The following SYT4 variants were observed in gnomAD, a reference collection of about 807,000 sequenced individuals.
SYT4 encodes synaptotagmin-4.
A neutral mutation model predicts 32.9 loss-of-function variants in SYT4; 7 were observed. The ratio of observed to expected loss-of-function variants is 0.21; its 90% CI spans 0.12 to 0.40. The LOEUF is 0.40. SYT4 is among the 10% of genes least tolerant of loss of function. SYT4 has a pLI of 1.00. For missense variants in SYT4, 480 were observed against 488.0 expected (o/e 0.98, Z 0.16); for synonymous variants, 205 against 186.2 (o/e 1.10, Z -0.82).
At chr18:43,274,719 G>T (rs1016113826) in intron 1 of SYT4, among the ~76,000 whole-genome samples, 7 of 152,114 alleles carry the variant, frequency 4.6e-5, no homozygotes, top group African/African-American at 7.2e-5. Flanking sequence ...GATAACATGA[G>T]ACAGCTACAA....
rs1405623260 is a variant in SYT4 at position 43,269,211 on chromosome 18, T to G, written c.*1130A>C. ...TAGTGAAACACATTCTTTGTTGTGC[T>G]AATTTGACAGCCTAAGCATATTTTG... On this transcript the variant is annotated 3_prime_UTR_variant, in exon 4 of 4. Coordinates refer to ENST00000255224, the MANE Select transcript of SYT4 (RefSeq NM_020783.4). The G allele has an allele frequency of 1.3e-5, 2 of 152,224 alleles. No homozygotes were observed. Among genetic ancestry groups the G allele is most frequent in the Non-Finnish European group, 1.5e-5 (1 of 68,036 alleles). 9.4% of individuals were successfully genotyped at this position (152,224 alleles called of 1,614,324 possible).
At position 43,273,817 on chromosome 18, in the gene SYT4, A is replaced by C; in HGVS notation, c.612T>G (p.His204Gln). The C allele has an allele frequency of 6.2e-7, 1 of 1,614,046 alleles. No individual in the cohort carries two copies. The highest frequency in any genetic ancestry group is 8.5e-7 in the Non-Finnish European group (1 of 1,179,932). ...TTCTCAGCACTCTAGTTTTCACTTT[A>C]TGCTTCTTCTCTGGGAGGATCGTCA... ...IKMTILPEKK[H>Q]KVKTRVLRKT... The change falls in exon 2 of 4, where the codon CAT (histidine) becomes CAG (glutamine). Residue 204 changes from histidine to glutamine, a missense_variant. Coordinates refer to ENST00000255224, the MANE Select transcript of SYT4 (RefSeq NM_020783.4).
In SYT4 at chr18:43,271,723, G is replaced by GA; in HGVS notation, c.958dup (p.Ser320PhefsTer37). 1 of 1,612,980 alleles carries GA rather than the reference G, an allele frequency of 6.2e-7. No individual in the cohort carries two copies. On this transcript the variant is annotated frameshift_variant, in exon 3 of 4. Coordinates refer to ENST00000255224, the MANE Select transcript of SYT4 (RefSeq NM_020783.4). LOFTEE classifies it high-confidence loss of function. Reference sequence around the variant, plus strand: ...AGAAGCATTCTTACCTGAAAGTCCGGACACATCAGATTTAGGCAGATGTCG... The same window carrying GA: ...AGAAGCATTCTTACCTGAAAGTCCGGAACACATCAGATTTAGGCAGATGTCG...
Position 43,270,197 on chromosome 18 carries a change from G to C in SYT4, c.*144C>G. On this transcript the variant is annotated 3_prime_UTR_variant, in exon 4 of 4. Coordinates refer to ENST00000255224, the MANE Select transcript of SYT4 (RefSeq NM_020783.4). ...AATACACATTTGAAGTTACTTTCTGGTCTACTAATTCAATCCATTTCTAGC... is the reference window on the plus strand; with the variant it reads ...AATACACATTTGAAGTTACTTTCTGCTCTACTAATTCAATCCATTTCTAGC... The C allele has an allele frequency of 1.2e-6, 1 of 807,382 alleles. No homozygotes were observed. Among genetic ancestry groups the C allele is most frequent in the South Asian group, 1.7e-5 (1 of 57,450 alleles). The allele number at this position is 807,382 out of a possible 1,614,324, so 50.0% of individuals were successfully genotyped here.
At position 43,268,042 on chromosome 18, in the gene SYT4, C is replaced by T. The variant is rs897671758; in HGVS notation, c.*2299G>A. 1.3e-5 allele frequency: 2 copies of T among 152,408 alleles called. No homozygotes were observed. The highest frequency in any genetic ancestry group is 4.8e-5 in the African/African-American group (2 of 41,466). 9.4% of individuals were successfully genotyped at this position (152,408 alleles called of 1,614,324 possible). On this transcript the variant is annotated 3_prime_UTR_variant, in exon 4 of 4. Coordinates refer to ENST00000255224, the MANE Select transcript of SYT4 (RefSeq NM_020783.4). ...TTACAACATCAGAACAAATCAATTA[C>T]TGAGTTACACAGTTCTTCAAACATG... is the stretch of plus-strand genomic sequence containing the variant.
Position 43,273,625 on chromosome 18 carries a change from T to C in SYT4, c.804A>G (p.Glu268=). ...TCTCTCTATTCATTAACATTTTTCC[T>C]TCAGATAATTCAATTCCCGAGAGAG... ...LIPLSGIELS[E]GKMLMNREII... The change falls in exon 2 of 4, where the codon GAA becomes GAG. Residue 268 remains glutamate (E), a synonymous_variant. Transcript: ENST00000255224. The C allele has an allele frequency of 6.2e-7, 1 of 1,613,506 alleles. No individual in the cohort carries two copies. Among genetic ancestry groups the C allele is most frequent in the Non-Finnish European group, 8.5e-7 (1 of 1,179,700 alleles).
In SYT4 at chr18:43,268,286, G is replaced by T. The variant is rs1598662479; in HGVS notation, c.*2055C>A. 2 of 152,474 alleles carry T rather than the reference G, an allele frequency of 1.3e-5. No individual in the cohort carries two copies. The highest frequency in any genetic ancestry group is 6.5e-5 in the Admixed American group (1 of 15,274). 9.4% of individuals were successfully genotyped at this position (152,474 alleles called of 1,614,324 possible). On this transcript the variant is annotated 3_prime_UTR_variant, in exon 4 of 4. Transcript: ENST00000255224. ...TTTCTTTTCTCTTTTCTGAAAACCA[G>T]TTGCAAATAGTTTTACTCAACTTTT... is the stretch of plus-strand genomic sequence containing the variant.
Position 43,275,712 on chromosome 18 carries a change from C to T in SYT4, c.35-1318G>A, listed in dbSNP as rs192281903. 5.4e-4 allele frequency among the ~76,000 whole-genome samples: 82 copies of T among 152,026 alleles called. 1 individual carries two copies. In the East Asian group the frequency reaches 0.013, roughly 25 times the overall value. On this transcript the variant is annotated intron_variant, in intron 1 of 3. Coordinates refer to ENST00000255224, the MANE Select transcript of SYT4 (RefSeq NM_020783.4). The stretch of plus-strand genomic sequence containing the variant: ...TAGAAGATAAAAAGGCCAATAAAAT[C>T]GCAATAAAAATCCTGTATTTTAATG...
chr18:43,269,150 T>C lies in SYT4; in HGVS notation c.*1191A>G, dbSNP rs991574874. The C allele has an allele frequency of 2.0e-5, 3 of 152,210 alleles. No individual in the cohort carries two copies. Among genetic ancestry groups the C allele is most frequent in the Non-Finnish European group, 4.4e-5 (3 of 68,036 alleles). The allele number at this position is 152,210 out of a possible 1,614,324, so 9.4% of individuals were successfully genotyped here. A position where few individuals can be genotyped will look rare whatever the true frequency, so the allele number is the denominator to read the frequency against. Reference sequence around the variant, plus strand: ...AGACACAAGTCTGTAAACTGCTCTATAGACAACAGCTCAAGACAAATTAGC... The same window carrying C: ...AGACACAAGTCTGTAAACTGCTCTACAGACAACAGCTCAAGACAAATTAGC... On this transcript the variant is annotated 3_prime_UTR_variant, in exon 4 of 4. Coordinates refer to ENST00000255224, the MANE Select transcript of SYT4 (RefSeq NM_020783.4).
intron 1 of SYT4, among the ~76,000 whole-genome samples, chr18:43,275,579 C>A (rs1366296851): frequency 6.6e-6 from 1 of 151,992 alleles, no homozygotes; most frequent in Admixed American, 6.6e-5. Context: ...ACAAGAAATC[C>A]AGTCTTTTGT....
In SYT4 at chr18:43,274,162, C is replaced by A. The variant is rs1908719838; in HGVS notation, c.267G>T (p.Lys89Asn). The change falls in exon 2 of 4, where the codon AAG (lysine) becomes AAT (asparagine). Residue 89 changes from lysine (K) to asparagine (N), a missense_variant. Transcript: ENST00000255224. ...TTTCAAGATCCAGATGCAATGAATTCTTTGGCACAGCTGGCTTATTCTTTA... is the reference window on the plus strand; with the variant it reads ...TTTCAAGATCCAGATGCAATGAATTATTTGGCACAGCTGGCTTATTCTTTA... ...NEVKNKPAVP[K>N]NSLHLDLEKR... 2 of 1,614,070 alleles carry A rather than the reference C, an allele frequency of 1.2e-6. No individual in the cohort carries two copies.
At position 43,268,351 on chromosome 18, in the gene SYT4, A is replaced by G. The variant is rs1437982186; in HGVS notation, c.*1990T>C. 6.6e-6 allele frequency: 1 copy of G among 152,160 alleles called. No individual in the cohort carries two copies. The highest frequency in any genetic ancestry group is 2.1e-4 in the South Asian group (1 of 4,830). 9.4% of individuals were successfully genotyped at this position (152,160 alleles called of 1,614,324 possible). ...CTTTAAATTTTAAAAGCTAAAAACT[A>G]TTTACAAATTATCCATTTTAATTTT... On this transcript the variant is annotated 3_prime_UTR_variant, in exon 4 of 4. Coordinates refer to ENST00000255224, the MANE Select transcript of SYT4 (RefSeq NM_020783.4).
At chr18:43,272,352 T>C (rs1044290566) in intron 2 of SYT4, among the ~76,000 whole-genome samples, 4 of 152,116 alleles carry the variant, frequency 2.6e-5, no homozygotes, top group African/African-American at 9.7e-5. Flanking sequence ...CCAACTACAT[T>C]CCTGGCCCAG....
Position 43,277,392 on chromosome 18 carries a change from C to A in SYT4, c.-111G>T. The A allele has an allele frequency of 7.8e-7, 1 of 1,276,540 alleles. No individual in the cohort carries two copies. Among genetic ancestry groups the A allele is most frequent in the East Asian group, 2.4e-5 (1 of 42,266 alleles). The allele number at this position is 1,276,540 out of a possible 1,614,324, so 79.1% of individuals were successfully genotyped here. A position where few individuals can be genotyped will look rare whatever the true frequency, so the allele number is the denominator to read the frequency against. On this transcript the variant is annotated 5_prime_UTR_variant, in exon 1 of 4. Transcript: ENST00000255224. ...GAGCGCTGAAAACAACAGCGCAGAG[C>A]CCAGGGCACCAGCTCCTGGAACAGG...
intron 2 of SYT4, 37 bp from the exon 3 acceptor site, chr18:43,271,869 T>A (rs772216042): frequency 8.2e-6 from 13 of 1,595,010 alleles, no homozygotes; most frequent in Non-Finnish European, 1.1e-5. Flanking sequence ...TATTTCTATC[T>A]TTTTAACTTT....
chr18:43,272,575 A>G (rs1417731845), intron 2 of SYT4, among the ~76,000 whole-genome samples: 1 of 152,216 alleles, frequency 6.6e-6, no homozygotes, highest in Non-Finnish European at 1.5e-5. Context: ...GAAAGTAACA[A>G]TATATTAACT....
At chr18:43,277,186 A>G in intron 1 of SYT4, 62 bp downstream of exon 1, 1 of 1,597,844 alleles carries the variant, frequency 6.3e-7, no homozygotes, top group East Asian at 2.3e-5. Flanking sequence ...ATAAATGAAT[A>G]AACAGTCCAC....
At position 43,276,805 on chromosome 18, in the gene SYT4, C is replaced by A. The variant is rs983165400; in HGVS notation, c.34+443G>T. 2.6e-5 allele frequency among the ~76,000 whole-genome samples: 4 copies of A among 152,082 alleles called. No homozygotes were observed. In the East Asian group the frequency reaches 7.7e-4, roughly 29 times the overall value. On this transcript the variant is annotated intron_variant, in intron 1 of 3. Coordinates refer to ENST00000255224, the MANE Select transcript of SYT4 (RefSeq NM_020783.4). ...ACGCCCTGTAATAAAATATACATTG[C>A]CAAACCCCAATAGACAAGTTGCTTT...
chr18:43,274,811 A>T (rs1908743018), intron 1 of SYT4, among the ~76,000 whole-genome samples: 1 of 152,128 alleles, frequency 6.6e-6, no homozygotes, highest in Non-Finnish European at 1.5e-5. Context: ...TGGAATTCTA[A>T]GTAGTTCTTT....
Sources: gnomAD v4.1 joint callset for allele counts (sites outside exome capture counted in the v4.1 genomes callset) on GRCh38, gnomAD v4.1.1 for gene constraint, MANE v1.5 for transcripts, NCBI Gene and HGNC (gene_info 2026-07-23, HGNC 2026-07-21) for gene names.